The following TMEM132E variants were observed in gnomAD, a reference collection of about 807,000 sequenced individuals.
TMEM132E encodes transmembrane protein 132E.
TMEM132E carries 49 observed loss-of-function variants against 78.5 expected under a neutral mutation model. The ratio of observed to expected loss-of-function variants is 0.62; its 90% confidence interval spans 0.50 to 0.79. TMEM132E has a LOEUF of 0.79. Ranked by LOEUF, TMEM132E falls within the 30% of genes least tolerant of loss-of-function variation. The pLI, the probability that TMEM132E is intolerant of heterozygous loss-of-function variation, is 0.00. For synonymous variants in TMEM132E, 715 were observed against 670.6 expected (o/e 1.07, Z -1.02); for missense variants, 1,403 against 1,470.9 (o/e 0.95, Z 0.75).
At chr17:34,624,499 G>A (rs1271015220) in intron 1 of TMEM132E, among the ~76,000 whole-genome samples, 1 of 152,206 alleles carries the variant, frequency 6.6e-6, no homozygotes, top group Non-Finnish European at 1.5e-5. Flanking sequence ...CATCTTGGAG[G>A]GCTTCATGAA....
Position 34,632,886 on chromosome 17 carries a change from G to A in TMEM132E, c.1665G>A (p.Arg555=). Residue 555 remains arginine (R), a synonymous_variant, in exon 6 of 9, where the codon AGG becomes AGA. Coordinates refer to ENST00000631683, the MANE Select transcript of TMEM132E (RefSeq NM_001304438.2). ...DARLSQVKGW[R]VPILPDRRSV... is the part of the protein sequence containing the mutation. ...GCCTCAGCCAAGTGAAGGGCTGGAGGGTACCTATCCTCCCCGACCGGAGGT... is the reference window on the plus strand; with the variant it reads ...GCCTCAGCCAAGTGAAGGGCTGGAGAGTACCTATCCTCCCCGACCGGAGGT... The A allele has an allele frequency of 6.2e-7, 1 of 1,614,176 alleles. No individual in the cohort carries two copies. The highest frequency in any genetic ancestry group is 8.5e-7 in the Non-Finnish European group (1 of 1,180,028).
Position 34,635,041 on chromosome 17 carries a change from A to C in TMEM132E, c.1931A>C (p.Asp644Ala). The C allele has an allele frequency of 6.2e-7, 1 of 1,614,048 alleles. No homozygotes were observed. The highest frequency in any genetic ancestry group is 8.5e-7 in the Non-Finnish European group (1 of 1,180,000). Reference sequence around the variant, plus strand: ...GATCCCCGAGTGGCACACATGGTGGACAGCAGCACGCTGGCAGGACTGGAG... The same window carrying C: ...GATCCCCGAGTGGCACACATGGTGGCCAGCAGCACGCTGGCAGGACTGGAG... ...VGDPRVAHMV[D>A]SSTLAGLEPG... Residue 644 changes from aspartate to alanine, a missense_variant, in exon 7 of 9, where the codon GAC becomes GCC. This residue lies in a region of TMEM132E where 888 missense variants were observed against 952.8 expected (regional missense o/e 0.93). Transcript: ENST00000631683.
intron 1 of TMEM132E, among the ~76,000 whole-genome samples, chr17:34,590,140 A>G (rs929594818): frequency 6.6e-6 from 1 of 152,200 alleles, no homozygotes; most frequent in Non-Finnish European, 1.5e-5. Flanking sequence ...ACCTCCAGCC[A>G]CCACTGACCA....
In TMEM132E at chr17:34,635,098, G is replaced by A; in HGVS notation, c.1977+11G>A. 6.2e-7 allele frequency: 1 copy of A among 1,601,246 alleles called. No homozygotes were observed. The highest frequency in any genetic ancestry group is 8.5e-7 in the Non-Finnish European group (1 of 1,172,748). ...ACCACCCCCTTTAAGGTAGGTATGG[G>A]CTCTGTCCCAGCACAAAGGGGCAGT... is the stretch of plus-strand genomic sequence containing the variant. On this transcript the variant is annotated intron_variant, in intron 7 of 8. Transcript: ENST00000631683.
chr17:34,614,643 T>G (rs1429720453), intron 1 of TMEM132E: 2 of 152,200 alleles, frequency 1.3e-5, no homozygotes, highest in African/African-American at 4.8e-5. Context: ...ACTGTGCACT[T>G]GGAAGGGCCA....
At chr17:34,613,078 C>T (rs2142068207) in intron 1 of TMEM132E, among the ~76,000 whole-genome samples, 1 of 151,656 alleles carries the variant, frequency 6.6e-6, no homozygotes, top group Non-Finnish European at 1.5e-5. Context: ...TCCCCAGCTT[C>T]CCCCAGAGCC....
Position 34,638,256 on chromosome 17 carries a change from A to ACCCC in TMEM132E, c.*32_*35dup, listed in dbSNP as rs746915644. On this transcript the variant is annotated 3_prime_UTR_variant, in exon 9 of 9. Coordinates refer to ENST00000631683, the MANE Select transcript of TMEM132E (RefSeq NM_001304438.2). The stretch of plus-strand genomic sequence containing the variant: ...AGAGGCGCCAGCCGGAGTAGCAGGG[A>ACCCC]CCCCCCCCCCCAACGGGGTCAGCTC... 6.5e-6 allele frequency: 8 copies of ACCCC among 1,237,172 alleles called. No individual in the cohort carries two copies. The highest frequency in any genetic ancestry group is 3.7e-5 in the African/African-American group (2 of 54,542). 76.6% of individuals were successfully genotyped at this position (1,237,172 alleles called of 1,614,324 possible). A position where few individuals can be genotyped will look rare whatever the true frequency, so the allele number is the denominator to read the frequency against.
Position 34,637,158 on chromosome 17 carries a change from CCTT to C in TMEM132E, c.2170-16_2170-14del, listed in dbSNP as rs768206714. 1.1e-5 allele frequency: 17 copies of C among 1,581,496 alleles called. No individual in the cohort carries two copies. The highest frequency in any genetic ancestry group is 1.3e-5 in the Non-Finnish European group (15 of 1,160,868). Reference sequence around the variant, plus strand: ...ACCAGCTCTTTGACTCCTATCCCCTCCTTCTCCTTCTCCTCCAGGAAGCCCTAC... The same window carrying C: ...ACCAGCTCTTTGACTCCTATCCCCTCCTCCTTCTCCTCCAGGAAGCCCTAC... On this transcript the variant is annotated splice_polypyrimidine_tract_variant and intron_variant, in intron 8 of 8. Transcript: ENST00000631683.
intron 1 of TMEM132E, among the ~76,000 whole-genome samples, chr17:34,596,807 C>T (rs1906073666): frequency 6.6e-6 from 1 of 150,744 alleles, no homozygotes; most frequent in Admixed American, 6.6e-5. Context: ...TTTCTCTTCT[C>T]CCTAAATGGC....
chr17:34,628,543 T>G lies in TMEM132E; in HGVS notation c.999-20T>G, dbSNP rs764607103. 7.9e-5 allele frequency: 127 copies of G among 1,613,124 alleles called. No individual in the cohort carries two copies. Among genetic ancestry groups the G allele is most frequent in the South Asian group, 1.7e-4 (15 of 90,832 alleles). ...CTGTAGCCTGACCCTCTCCCTCTTC[T>G]TCCTCCCACTTTGTCCCAGGGTGAA... On this transcript the variant is annotated intron_variant, in intron 2 of 8. Coordinates refer to ENST00000631683, the MANE Select transcript of TMEM132E (RefSeq NM_001304438.2).
In TMEM132E at chr17:34,626,706, C is replaced by T. The variant is rs1320151231; in HGVS notation, c.647C>T (p.Pro216Leu). Reference sequence around the variant, plus strand: ...CCACCCACGGCCCGCCGCAAGTCCCCGGACGGGCTGGAGCCCGAGGCGACG... The same window carrying T: ...CCACCCACGGCCCGCCGCAAGTCCCTGGACGGGCTGGAGCCCGAGGCGACG... The part of the protein sequence containing the change: ...AAPPTARRKS[P>L]DGLEPEATGE... Residue 216 changes from proline (P) to leucine (L), a missense_variant, in exon 2 of 9, where the codon CCG becomes CTG. This residue lies in a region of TMEM132E where 511 missense variants were observed against 499.0 expected (regional missense o/e 1.02). Transcript: ENST00000631683. The T allele has an allele frequency of 1.7e-5, 23 of 1,383,244 alleles. No homozygotes were observed. Among genetic ancestry groups the T allele is most frequent in the Non-Finnish European group, 2.0e-5 (21 of 1,056,180 alleles). The allele number at this position is 1,383,244 out of a possible 1,614,324, so 85.7% of individuals were successfully genotyped here. A position where few individuals can be genotyped will look rare whatever the true frequency, so the allele number is the denominator to read the frequency against.
At position 34,638,271 on chromosome 17, in the gene TMEM132E, G is replaced by T; in HGVS notation, c.*39G>T. On this transcript the variant is annotated 3_prime_UTR_variant, in exon 9 of 9. Coordinates refer to ENST00000631683, the MANE Select transcript of TMEM132E (RefSeq NM_001304438.2). ...AGTAGCAGGGACCCCCCCCCCCAAC[G>T]GGGTCAGCTCGGGGTAGGACACAGC... is the stretch of plus-strand genomic sequence containing the variant. 3 of 1,443,738 alleles carry T rather than the reference G, an allele frequency of 2.1e-6. No homozygotes were observed. Among genetic ancestry groups the T allele is most frequent in the Non-Finnish European group, 2.8e-6 (3 of 1,078,116 alleles). 89.4% of individuals were successfully genotyped at this position (1,443,738 alleles called of 1,614,324 possible).
At chr17:34,582,300 C>T (rs1343239012) in intron 1 of TMEM132E, among the ~76,000 whole-genome samples, 5 of 152,150 alleles carry the variant, frequency 3.3e-5, no homozygotes, top group African/African-American at 9.7e-5. Flanking sequence ...CAGATCTGCC[C>T]AGTCCCTAAG....
At chr17:34,637,025 C>T in intron 8 of TMEM132E, 152 bp from the exon 9 acceptor site, 1 of 687,568 alleles carries the variant, frequency 1.5e-6, no homozygotes, top group Non-Finnish European at 2.4e-6. Context: ...TTCCTGAATG[C>T]CCGCCACAGG....
chr17:34,616,359 C>T (rs12951344), intron 1 of TMEM132E, among the ~76,000 whole-genome samples: 5,860 of 152,292 alleles, frequency 0.038, 160 homozygotes, highest in Non-Finnish European at 0.058. Context: ...GATTTACAAC[C>T]TGCCAGGGAG....
In TMEM132E at chr17:34,629,183, A is replaced by G; in HGVS notation, c.1317A>G (p.Gln439=). ...TGACGGTCATTCAGCGGGATGTGCA[A>G]GCCATCCTGCCCCTGGCCATGGTGA... ...TELTVIQRDV[Q]AILPLAMDTE... The change falls in exon 4 of 9, where the codon CAA becomes CAG. Residue 439 remains glutamine, a synonymous_variant. Coordinates refer to ENST00000631683, the MANE Select transcript of TMEM132E (RefSeq NM_001304438.2). 1 of 1,614,076 alleles carries G rather than the reference A, an allele frequency of 6.2e-7. No homozygotes were observed. The highest frequency in any genetic ancestry group is 8.5e-7 in the Non-Finnish European group (1 of 1,179,986).
Position 34,581,048 on chromosome 17 carries a change from C to G in TMEM132E, c.-29C>G. 6.5e-7 allele frequency: 1 copy of G among 1,534,288 alleles called. No individual in the cohort carries two copies. Among genetic ancestry groups the G allele is most frequent in the East Asian group, 2.5e-5 (1 of 39,806 alleles). On this transcript the variant is annotated 5_prime_UTR_variant, in exon 1 of 9. Transcript: ENST00000631683. ...CCAAGTCGTCGTCGACTGTTGCTCTCTCGGACCCCTCCCGCCCCCGCCTCG... is the reference window on the plus strand; with the variant it reads ...CCAAGTCGTCGTCGACTGTTGCTCTGTCGGACCCCTCCCGCCCCCGCCTCG...
At chr17:34,603,399 C>T (rs1190320637) in intron 1 of TMEM132E, among the ~76,000 whole-genome samples, 1 of 152,108 alleles carries the variant, frequency 6.6e-6, no homozygotes, top group Non-Finnish European at 1.5e-5. Context: ...CGAGATGGCT[C>T]CCCACAGCTA....
At chr17:34,625,806 C>T (rs977863887) in intron 1 of TMEM132E, among the ~76,000 whole-genome samples, 1 of 152,164 alleles carries the variant, frequency 6.6e-6, no homozygotes, top group African/African-American at 2.4e-5. Context: ...CAAGTGAGGG[C>T]GCTGGGGATA....
Sources: gnomAD v4.1 joint callset for allele counts (sites outside exome capture counted in the v4.1 genomes callset) on GRCh38, gnomAD v4.1.1 for gene constraint, gnomAD v4.1.1 regional missense constraint, MANE v1.5 for transcripts, NCBI Gene and HGNC (gene_info 2026-07-23, HGNC 2026-07-21) for gene names.